Variants in AGMO observed in about 807,000 individuals in gnomAD.
AGMO encodes the protein alkylglycerol monooxygenase.
In AGMO, 75 loss-of-function variants were observed where a neutral mutation model predicts 60.2. The observed-to-expected ratio is 1.25, with a 90% confidence interval of 1.03 to 1.51. The LOEUF (loss-of-function observed/expected upper bound fraction) is 1.51. Among genes scored for constraint, AGMO ranks in the 40% most tolerant of loss-of-function variants. The pLI is 0.00. For missense variants in AGMO, 763 were observed against 525.5 expected, an observed-to-expected ratio of 1.45 and a Z score of -4.42; for synonymous variants, 261 against 177.1, an observed-to-expected ratio of 1.47 and a Z score of -3.76.
chr7:15,309,666 T>C (rs1157521452), intron 12 of AGMO, among the ~76,000 whole-genome samples: 1 of 152,088 alleles, frequency 6.6e-6, no homozygotes, highest in Non-Finnish European at 1.5e-5. Flanking sequence ...TATGTGTAGA[T>C]TTGTGTATAT....
At chr7:15,135,937 A>G in the AGMO span, among the ~76,000 whole-genome samples, 3 of 147,564 alleles carry the variant, frequency 2.0e-5, no homozygotes, top group Non-Finnish European at 4.5e-5. Context: ...GTAATGAAAC[A>G]ACTATGTTTT....
intron 3 of AGMO, among the ~76,000 whole-genome samples, chr7:15,516,017 A>T (rs1448260764): frequency 6.6e-6 from 1 of 152,192 alleles, no homozygotes; most frequent in Non-Finnish European, 1.5e-5. Flanking sequence ...GTGAGGTATG[A>T]TGTAAATTAC....
rs562306413 is a variant in AGMO at position 15,272,544 on chromosome 7, G to GT, written c.1264-71186dup. Among the ~76,000 whole-genome samples, 29 of 152,144 alleles carry GT rather than the reference G, an allele frequency of 1.9e-4. No individual in the cohort carries two copies. In the East Asian group the frequency reaches 5.0e-3, roughly 26 times the overall value. On this transcript the variant is annotated intron_variant, in intron 12 of 12. Transcript: ENST00000342526. ...CAGTCTATCATTGATGGACATTTGG[G>GT]TTGGTTCCAAGTCTTTGCTATTGTG...
chr7:15,398,890 C>G (rs1182270111), intron 5 of AGMO, among the ~76,000 whole-genome samples: 2 of 152,154 alleles, frequency 1.3e-5, no homozygotes, highest in African/African-American at 4.8e-5. Context: ...TAAAGCCTTT[C>G]CGATTTCAGC....
the AGMO span, among the ~76,000 whole-genome samples, chr7:15,144,995 A>G: frequency 2.0e-5 from 3 of 152,058 alleles, no homozygotes; most frequent in Non-Finnish European, 4.4e-5. Context: ...ACGCTTTGCT[A>G]ATTTTTTTAT....
chr7:15,401,355 T>C (rs770456625), intron 5 of AGMO, among the ~76,000 whole-genome samples: 22 of 152,152 alleles, frequency 1.4e-4, no homozygotes, highest in Non-Finnish European at 2.6e-4. Flanking sequence ...TAGATTTTTG[T>C]GGCTTGGTTA....
rs1229223386 is a variant in AGMO, at chr7:15,544,864, AG to A, written c.316del (p.Leu106CysfsTer17). On this transcript the variant is annotated frameshift_variant, in exon 3 of 13. Transcript: ENST00000342526. LOFTEE classifies it high-confidence loss of function. Reference protein sequence around the residue: ...SYIYIWENYRLFNLPWDSPWT... With the variant: ...SYIYIWENYRXFNLPWDSPWT... ...TGGAGAATCCCAAGGCAAATTGAACAGCCTGTAGTTCTCCCAGATATAAATA... is the reference window on the plus strand; with the variant it reads ...TGGAGAATCCCAAGGCAAATTGAACACCTGTAGTTCTCCCAGATATAAATA... 3 of 1,604,614 alleles carry A rather than the reference AG, an allele frequency of 1.9e-6. No homozygotes were observed. The highest frequency in any genetic ancestry group is 2.6e-6 in the Non-Finnish European group (3 of 1,174,772).
At chr7:15,404,004 G>A (rs1278119643) in intron 5 of AGMO, among the ~76,000 whole-genome samples, 2 of 151,836 alleles carry the variant, frequency 1.3e-5, no homozygotes, top group Admixed American at 1.3e-4. Flanking sequence ...TGATTAGACA[G>A]TTTTCTACTT....
rs549396813 is a variant in AGMO, at chr7:15,560,339, T to C, written c.127-68A>G. On this transcript the variant is annotated intron_variant, in intron 1 of 12. Transcript: ENST00000342526. ...ATGAAATTATTTTACATTTCCTGAT[T>C]AGTCATTTCAGAATTGAAAGGCCCA... The C allele has an allele frequency of 3.3e-6, 5 of 1,531,244 alleles. No homozygotes were observed. In the East Asian group the frequency reaches 9.3e-5, roughly 28 times the overall value. The allele number at this position is 1,531,244 out of a possible 1,614,324, so 94.9% of individuals were successfully genotyped here.
chr7:15,397,803 G>T (rs1314367661), intron 5 of AGMO, among the ~76,000 whole-genome samples: 1 of 152,132 alleles, frequency 6.6e-6, no homozygotes, highest in Non-Finnish European at 1.5e-5. Flanking sequence ...AAAATACTGT[G>T]AATATATAGC....
rs765777614 is a variant in AGMO, at chr7:15,305,868, T to G, written c.1263+59646A>C. On this transcript the variant is annotated intron_variant, in intron 12 of 12. Coordinates refer to ENST00000342526, the MANE Select transcript of AGMO (RefSeq NM_001004320.2). ...ATGAATCATTAGTAAAATGGCACTATGGGTACATGAACGAACCTAAAAGAA... is the reference window on the plus strand; with the variant it reads ...ATGAATCATTAGTAAAATGGCACTAGGGGTACATGAACGAACCTAAAAGAA... 7.2e-5 allele frequency among the ~76,000 whole-genome samples: 11 copies of G among 152,138 alleles called. No homozygotes were observed. In the Middle Eastern group the frequency reaches 0.014, roughly 188 times the overall value.
In AGMO at chr7:15,561,821, C is replaced by A. The variant is rs773679678; in HGVS notation, c.25G>T (p.Asp9Tyr). 4 of 1,608,620 alleles carry A rather than the reference C, an allele frequency of 2.5e-6. No individual in the cohort carries two copies. Among genetic ancestry groups the A allele is most frequent in the East Asian group, 2.2e-5 (1 of 44,664 alleles). ...CGAAATCCCTGGGAAACTGAAACAT[C>A]CTGCTGGGCTTCTGGGTTCTTCATT... MKNPEAQQ[D>Y]VSVSQGFRML... is the part of the protein sequence containing the mutation. The change falls in exon 1 of 13, where the codon GAT (aspartate) becomes TAT (tyrosine). Residue 9 changes from aspartate to tyrosine, a missense_variant. Physicochemically the swap from Asp to Tyr is radical, Grantham distance 160. Transcript: ENST00000342526.
At chr7:15,250,893 C>T (rs1192168798) in intron 12 of AGMO, among the ~76,000 whole-genome samples, 1 of 151,436 alleles carries the variant, frequency 6.6e-6, no homozygotes, top group Non-Finnish European at 1.5e-5. Context: ...TGCAGTGAGC[C>T]GAGATTGCAC....
intron 2 of AGMO, among the ~76,000 whole-genome samples, chr7:15,559,712 A>C (rs1785248341): frequency 6.6e-6 from 1 of 152,128 alleles, no homozygotes; most frequent in Admixed American, 6.6e-5. Flanking sequence ...GCTTGGCTGC[A>C]AACGGGGTTG....
chr7:15,361,155 A>G (rs1479278468), intron 12 of AGMO, among the ~76,000 whole-genome samples: 1 of 152,102 alleles, frequency 6.6e-6, no homozygotes, highest in Non-Finnish European at 1.5e-5. Flanking sequence ...GCTCACTGTC[A>G]CTGTCATCAG....
chr7:15,416,025 T>C (rs1780757875), intron 5 of AGMO, among the ~76,000 whole-genome samples: 1 of 150,436 alleles, frequency 6.6e-6, no homozygotes, highest in Non-Finnish European at 1.5e-5. Flanking sequence ...TTTTCTTTTT[T>C]TCTTTTTTTT....
chr7:15,154,309 A>C, the AGMO span, among the ~76,000 whole-genome samples: 1 of 152,204 alleles, frequency 6.6e-6, no homozygotes, highest in Non-Finnish European at 1.5e-5. Flanking sequence ...TAAAATACTT[A>C]GGAATATACC....
chr7:15,461,475 G>A (rs575258474), intron 3 of AGMO, among the ~76,000 whole-genome samples: 1 of 65,612 alleles, frequency 1.5e-5, no homozygotes, highest in African/African-American at 6.6e-5. Context: ...AAGAACTTTA[G>A]TGAAAAACTA....
chr7:15,396,331 C>G (rs896598217), intron 5 of AGMO: 1 of 152,168 alleles, frequency 6.6e-6, no homozygotes, highest in Non-Finnish European at 1.5e-5. Flanking sequence ...TTCCTGGTCT[C>G]GCTGGCTTCA....
Sources: gnomAD v4.1 joint callset for allele counts (sites outside exome capture counted in the v4.1 genomes callset) on GRCh38, gnomAD v4.1.1 for gene constraint, MANE v1.5 for transcripts, NCBI Gene and HGNC (gene_info 2026-07-23, HGNC 2026-07-21) for gene names.